Variants in CNTNAP5 observed in about 807,000 individuals in gnomAD.
CNTNAP5 encodes contactin associated protein family member 5.
Under a neutral mutation model 150.2 loss-of-function variants are expected in CNTNAP5, and 72 were observed. The ratio of observed to expected loss-of-function variants is 0.48; its 90% CI spans 0.40 to 0.58. The LOEUF is 0.58. Ranked by LOEUF, CNTNAP5 falls within the 20% of genes least tolerant of loss-of-function variation. The pLI, the probability that CNTNAP5 is intolerant of heterozygous loss-of-function variation, is 0.00. For missense variants in CNTNAP5, 1,636 were observed against 1,626.2 expected (o/e 1.01, Z -0.10); for synonymous variants, 672 against 619.8 (o/e 1.08, Z -1.25).
intron 3 of CNTNAP5, among the ~76,000 whole-genome samples, chr2:124,302,125 G>GAAT (rs1456742498): frequency 1.3e-5 from 2 of 152,148 alleles, no homozygotes; most frequent in Non-Finnish European, 1.5e-5. Flanking sequence ...AACTAAAACA[G>GAAT]CTAGAACTTT....
intron 19 of CNTNAP5, among the ~76,000 whole-genome samples, chr2:124,857,749 C>T (rs140744181): frequency 0.016 from 2,444 of 151,982 alleles, 68 homozygotes; most frequent in African/African-American, 0.056. Flanking sequence ...ATTGCTTGAA[C>T]CTGGGAGGCA....
At chr2:124,314,480 G>A (rs1037508801) in intron 3 of CNTNAP5, among the ~76,000 whole-genome samples, 1 of 152,120 alleles carries the variant, frequency 6.6e-6, no homozygotes, top group Admixed American at 6.6e-5. Context: ...ACACATTGAG[G>A]CACCAATTGA....
chr2:124,482,087 CT>C lies in CNTNAP5; in HGVS notation c.1062+7206del, dbSNP rs1229811859. 3.3e-5 allele frequency among the ~76,000 whole-genome samples: 5 copies of C among 152,328 alleles called. No individual in the cohort carries two copies. In the East Asian group the frequency reaches 9.6e-4, roughly 29 times the overall value. ...GTTGAAACGACCTCAGATGTGCTTC[CT>C]GATGCAAAACATCCAACTAATGAGC... On this transcript the variant is annotated intron_variant, in intron 7 of 23. Coordinates refer to ENST00000682447, the MANE Select transcript of CNTNAP5 (RefSeq NM_001367498.1).
chr2:124,800,307 G>A (rs1297784994), intron 19 of CNTNAP5, among the ~76,000 whole-genome samples: 1 of 152,150 alleles, frequency 6.6e-6, no homozygotes, highest in African/African-American at 2.4e-5. Flanking sequence ...CATGCCTAGG[G>A]AAATACAGCT....
chr2:124,139,848 G>A (rs544326471), intron 1 of CNTNAP5, among the ~76,000 whole-genome samples: 9 of 152,178 alleles, frequency 5.9e-5, no homozygotes, highest in African/African-American at 2.4e-5. Flanking sequence ...CGCAGAAGAC[G>A]GGTGATTTCT....
At chr2:124,485,331 C>T (rs559714064) in intron 7 of CNTNAP5, among the ~76,000 whole-genome samples, 11 of 152,154 alleles carry the variant, frequency 7.2e-5, no homozygotes, top group East Asian at 5.8e-4. Context: ...GTGCAGTTAC[C>T]GGCCGGGCAC....
chr2:124,138,716 T>C (rs1244768637), intron 1 of CNTNAP5, among the ~76,000 whole-genome samples: 2 of 152,258 alleles, frequency 1.3e-5, no homozygotes, highest in East Asian at 1.9e-4. Context: ...ATTTGATTAT[T>C]GACAGAAAAA....
At chr2:124,760,160 G>C (rs1480795040) in intron 14 of CNTNAP5, among the ~76,000 whole-genome samples, 7 of 151,958 alleles carry the variant, frequency 4.6e-5, no homozygotes, top group Non-Finnish European at 1.0e-4. Flanking sequence ...AGAAGGGGGT[G>C]TGGGGTCTCT....
intron 11 of CNTNAP5, among the ~76,000 whole-genome samples, chr2:124,585,687 T>TTG (rs1696514811): frequency 6.8e-6 from 1 of 147,902 alleles, no homozygotes; most frequent in Non-Finnish European, 1.5e-5. Context: ...TTTTTTTTTT[T>TTG]TTTTTTGAGT....
At chr2:124,357,911 T>G (rs1690064932) in intron 3 of CNTNAP5, among the ~76,000 whole-genome samples, 1 of 151,430 alleles carries the variant, frequency 6.6e-6, no homozygotes, top group Admixed American at 6.6e-5. Flanking sequence ...ATGGCAATTT[T>G]CATGATATTG....
intron 2 of CNTNAP5, among the ~76,000 whole-genome samples, chr2:124,231,355 T>A (rs1041581065): frequency 1.3e-5 from 2 of 152,166 alleles, no homozygotes; most frequent in African/African-American, 4.8e-5. Context: ...TTTTCTCATT[T>A]TTTAAGATGG....
chr2:124,565,725 G>A (rs367633272), intron 11 of CNTNAP5, among the ~76,000 whole-genome samples: 3 of 151,040 alleles, frequency 2.0e-5, no homozygotes, highest in Admixed American at 6.6e-5. Flanking sequence ...TCAGCCTCCC[G>A]AGTAGCTGGG....
chr2:124,371,356 G>A (rs573914363), intron 3 of CNTNAP5, among the ~76,000 whole-genome samples: 1 of 152,186 alleles, frequency 6.6e-6, no homozygotes, highest in African/African-American at 2.4e-5. Flanking sequence ...TATGTAACAA[G>A]GGATGGAAAT....
At chr2:124,393,894 T>C (rs188575534) in intron 3 of CNTNAP5, among the ~76,000 whole-genome samples, 18 of 152,320 alleles carry the variant, frequency 1.2e-4, no homozygotes, top group Admixed American at 9.2e-4. Flanking sequence ...CTTCTCTATA[T>C]ACGAATGAAC....
At chr2:124,035,394 C>CTT (rs1558732588) in intron 1 of CNTNAP5, among the ~76,000 whole-genome samples, 2 of 17,954 alleles carry the variant, frequency 1.1e-4, no homozygotes, top group East Asian at 6.7e-3. Flanking sequence ...TGTTCTTCTA[C>CTT]TCCTTTCCTT....
At chr2:124,035,401 C>CCTTT (rs66483527) in intron 1 of CNTNAP5, among the ~76,000 whole-genome samples, 147,253 of 151,850 alleles carry the variant, frequency 0.97, 71,536 homozygotes, top group Non-Finnish European at 1. Context: ...CTACTCCTTT[C>CCTTT]CTTTCTATCT....
At chr2:124,807,489 C>T (rs1682105831) in intron 19 of CNTNAP5, among the ~76,000 whole-genome samples, 1 of 152,142 alleles carries the variant, frequency 6.6e-6, no homozygotes, top group South Asian at 2.1e-4. Flanking sequence ...AGTTTGCAAA[C>T]ATTAATTCAT....
intron 13 of CNTNAP5, among the ~76,000 whole-genome samples, chr2:124,730,902 C>G (rs1163691246): frequency 6.6e-6 from 1 of 152,046 alleles, no homozygotes; most frequent in Non-Finnish European, 1.5e-5. Flanking sequence ...ATAGGAGATA[C>G]AGGCATGAAA....
intron 6 of CNTNAP5, among the ~76,000 whole-genome samples, chr2:124,453,686 C>G (rs1412063818): frequency 6.6e-6 from 1 of 152,192 alleles, no homozygotes; most frequent in Non-Finnish European, 1.5e-5. Context: ...GCAGATTTCT[C>G]AGCACAAATC....
Sources: gnomAD v4.1 joint callset for allele counts (sites outside exome capture counted in the v4.1 genomes callset) on GRCh38, gnomAD v4.1.1 for gene constraint, MANE v1.5 for transcripts, NCBI Gene and HGNC (gene_info 2026-07-23, HGNC 2026-07-21) for gene names.